Variants in RSF1 observed in about 807,000 individuals in gnomAD.
RSF1 encodes HBV pX-associated protein 8.
RSF1 carries 13 observed loss-of-function variants against 145.2 expected under a neutral mutation model. That is an observed-to-expected ratio of 0.09 (90% CI 0.06 to 0.14). The LOEUF is 0.14. Among genes scored for constraint, RSF1 ranks in the 10% least tolerant of loss-of-function variants. The probability of loss-of-function intolerance (pLI) is 1.00; values close to 1 mark genes in which losing one functional copy is unlikely to be tolerated. For missense variants in RSF1, 1,517 were observed against 1,718.2 expected, an observed-to-expected ratio of 0.88 and a Z score of 2.07; for synonymous variants, 577 against 592.6, an observed-to-expected ratio of 0.97 and a Z score of 0.38.
chr11:77,667,659 G>A (rs1021379880), intron 15 of RSF1, among the ~76,000 whole-genome samples, 168 bp from the exon 16 acceptor site: 2 of 152,038 alleles, frequency 1.3e-5, no homozygotes, highest in Non-Finnish European at 2.9e-5. Flanking sequence ...CCATAACAAT[G>A]CCCAATATGA....
At chr11:77,774,527 G>T (rs1024543835) in intron 1 of RSF1, among the ~76,000 whole-genome samples, 2 of 151,604 alleles carry the variant, frequency 1.3e-5, no homozygotes, top group African/African-American at 4.8e-5. Context: ...AACTGAGATT[G>T]CATCACTGCA....
rs150362923 is a variant in RSF1, at chr11:77,772,831, A to G, written c.188-8142T>C. 5.1e-4 allele frequency among the ~76,000 whole-genome samples: 75 copies of G among 147,758 alleles called. No homozygotes were observed. The Middle Eastern group carries it at 0.011, about 21-fold the overall frequency. ...GGAAAACTTAGACCTGAGATGTGAC[A>G]AGAGTTGCCCAAGATGGAAAAAAAA... On this transcript the variant is annotated intron_variant, in intron 1 of 15. Transcript: ENST00000308488.
At chr11:77,787,548 C>A (rs1265713767) in intron 1 of RSF1, among the ~76,000 whole-genome samples, 2 of 152,016 alleles carry the variant, frequency 1.3e-5, no homozygotes, top group African/African-American at 4.8e-5. Flanking sequence ...GTAGAGCCCA[C>A]AAAGCCTAAA....
At position 77,701,571 on chromosome 11, in the gene RSF1, T is replaced by G. The variant is rs767370842; in HGVS notation, c.1658A>C (p.Lys553Thr). ...CGACTCGGTGGAAGATAAAGCAGTT[T>G]TTGAAGAGAGATCTTTTGCCATCTC... ...SSEMAKDLSS[K>T]TALSSTESCT... Residue 553 changes from lysine (K) to threonine (T), a missense_variant, in exon 6 of 16, where the codon AAA becomes ACA. By Grantham distance (78) the Lys-to-Thr change is moderately conservative. Transcript: ENST00000308488. 2 of 1,614,078 alleles carry G rather than the reference T, an allele frequency of 1.2e-6. No homozygotes were observed. The highest frequency in any genetic ancestry group is 1.7e-6 in the Non-Finnish European group (2 of 1,180,012).
At chr11:77,822,264 ACC>A (rs1228123870), upstream of RSF1, among the ~76,000 whole-genome samples, 2 of 151,940 alleles carry the variant, frequency 1.3e-5, no homozygotes, top group East Asian at 3.9e-4. Context: ...ACATGGTGAA[ACC>A]CCGTCTCTAG....
At chr11:77,788,354 C>T (rs989616042) in intron 1 of RSF1, among the ~76,000 whole-genome samples, 7 of 150,040 alleles carry the variant, frequency 4.7e-5, no homozygotes, top group Admixed American at 4.6e-4. Flanking sequence ...TGACTATAAT[C>T]CATATGTTCA....
chr11:77,809,488 T>C (rs1270685224), intron 1 of RSF1, among the ~76,000 whole-genome samples: 1 of 152,196 alleles, frequency 6.6e-6, no homozygotes, highest in African/African-American at 2.4e-5. Flanking sequence ...ATAGTTATCA[T>C]GGTGAATACA....
chr11:77,795,102 CA>C (rs112866574), intron 1 of RSF1, among the ~76,000 whole-genome samples: 11 of 149,858 alleles, frequency 7.3e-5, no homozygotes, highest in African/African-American at 9.8e-5. Flanking sequence ...GCAATAACTA[CA>C]AAAAAAAATG....
At chr11:77,827,861 G>T in the RSF1 span, among the ~76,000 whole-genome samples, 1 of 152,082 alleles carries the variant, frequency 6.6e-6, no homozygotes, top group African/African-American at 2.4e-5. Flanking sequence ...TTGTATGTAG[G>T]AAATCCTAAA....
chr11:77,840,047 A>C, the RSF1 span, among the ~76,000 whole-genome samples: 1 of 152,108 alleles, frequency 6.6e-6, no homozygotes, highest in Non-Finnish European at 1.5e-5. Flanking sequence ...ACCAGGGTTG[A>C]TAGCATGTTA....
Position 77,664,995 on chromosome 11 carries a change from C to G in RSF1, c.*1922G>C, listed in dbSNP as rs887880286. 6.6e-6 allele frequency: 1 copy of G among 152,082 alleles called. No homozygotes were observed. The highest frequency in any genetic ancestry group is 1.9e-4 in the East Asian group (1 of 5,198). The allele number at this position is 152,082 out of a possible 1,614,324, so 9.4% of individuals were successfully genotyped here. A position where few individuals can be genotyped will look rare whatever the true frequency, so the allele number is the denominator to read the frequency against. ...CATTATTTTATTTTTTATACAGATACATACACATTGCTAGAATCAAAGCAA... is the reference window on the plus strand; with the variant it reads ...CATTATTTTATTTTTTATACAGATAGATACACATTGCTAGAATCAAAGCAA... On this transcript the variant is annotated 3_prime_UTR_variant, in exon 16 of 16. Coordinates refer to ENST00000308488, the MANE Select transcript of RSF1 (RefSeq NM_016578.4).
chr11:77,826,727 T>TGG, the RSF1 span, among the ~76,000 whole-genome samples: 1 of 152,116 alleles, frequency 6.6e-6, no homozygotes, highest in African/African-American at 2.4e-5. Flanking sequence ...CTCAATGAAA[T>TGG]GAACACATTT....
At chr11:77,836,329 A>T in the RSF1 span, among the ~76,000 whole-genome samples, 1 of 152,170 alleles carries the variant, frequency 6.6e-6, no homozygotes, top group South Asian at 2.1e-4. Context: ...AAATGAGATC[A>T]TAAGAGTCAG....
intron 1 of RSF1, among the ~76,000 whole-genome samples, chr11:77,772,848 GAAAAAAAAAA>G (rs1161762028): frequency 2.3e-5 from 2 of 85,194 alleles, no homozygotes; most frequent in African/African-American, 9.7e-5. Context: ...GCCCAAGATG[GAAAAAAAAAA>G]AAAAAAAAAA....
intron 1 of RSF1, among the ~76,000 whole-genome samples, chr11:77,782,380 A>C (rs1325233110): frequency 6.6e-6 from 1 of 152,156 alleles, no homozygotes; most frequent in Non-Finnish European, 1.5e-5. Context: ...GTCTCTACTA[A>C]ATATACAAAA....
chr11:77,741,017 G>A lies in RSF1; in HGVS notation c.373-81C>T, dbSNP rs1019505610. On this transcript the variant is annotated intron_variant, in intron 3 of 15. Coordinates refer to ENST00000308488, the MANE Select transcript of RSF1 (RefSeq NM_016578.4). ...GTAAATATGATACAACCGTAGAATT[G>A]ATTCAGGGAAAGCAGTGGACAGAAC... The A allele has an allele frequency of 3.8e-6, 4 of 1,054,768 alleles. No homozygotes were observed. In the African/African-American group the frequency reaches 4.7e-5, roughly 12 times the overall value. 65.3% of individuals were successfully genotyped at this position (1,054,768 alleles called of 1,614,324 possible).
intron 4 of RSF1, among the ~76,000 whole-genome samples, chr11:77,727,226 A>C (rs1961076362): frequency 1.3e-5 from 2 of 152,168 alleles, no homozygotes; most frequent in Non-Finnish European, 2.9e-5. Flanking sequence ...CCCTAATTTC[A>C]TTACAACCTG....
chr11:77,728,901 C>T (rs1440295866), intron 4 of RSF1, among the ~76,000 whole-genome samples: 1 of 150,132 alleles, frequency 6.7e-6, no homozygotes, highest in Non-Finnish European at 1.5e-5. Context: ...ATATATTTTA[C>T]AAAAAAGAGA....
chr11:77,848,543 A>G, the RSF1 span, among the ~76,000 whole-genome samples: 13 of 152,038 alleles, frequency 8.6e-5, no homozygotes, highest in Admixed American at 8.5e-4. Flanking sequence ...TATTTTCAGT[A>G]GAGGTGGGGT....
Sources: gnomAD v4.1 joint callset for allele counts (sites outside exome capture counted in the v4.1 genomes callset) on GRCh38, gnomAD v4.1.1 for gene constraint, MANE v1.5 for transcripts, NCBI Gene and HGNC (gene_info 2026-07-23, HGNC 2026-07-21) for gene names.